ADGRA3: variants seen among roughly 807,000 people sequenced by gnomAD.
The protein encoded by ADGRA3 is adhesion G protein-coupled receptor A3.
A neutral mutation model predicts 119.8 loss-of-function variants in ADGRA3; 56 were observed. The observed-to-expected ratio is 0.47, with a 90% CI of 0.38 to 0.58. The LOEUF (loss-of-function observed/expected upper bound fraction) is 0.58. ADGRA3 is among the 20% of genes least tolerant of loss of function. The pLI is 0.00. For synonymous variants in ADGRA3, 607 were observed against 623.8 expected, an observed-to-expected ratio of 0.97 and a Z score of 0.40; for missense variants, 1,516 against 1,649.0, an observed-to-expected ratio of 0.92 and a Z score of 1.40.
chr4:22,407,651 G>A (rs1049518377), intron 14 of ADGRA3, among the ~76,000 whole-genome samples: 3 of 152,094 alleles, frequency 2.0e-5, no homozygotes, highest in Non-Finnish European at 2.9e-5. Flanking sequence ...GAAAAATAAA[G>A]TTCTCCACAG....
intron 1 of ADGRA3, among the ~76,000 whole-genome samples, chr4:22,488,038 C>T (rs1718494649): frequency 6.6e-6 from 1 of 152,070 alleles, no homozygotes; most frequent in African/African-American, 2.4e-5. Context: ...ACGTAAGTGA[C>T]AAGTGATCCC....
chr4:22,510,700 C>T (rs1182028485), intron 1 of ADGRA3, among the ~76,000 whole-genome samples: 1 of 152,182 alleles, frequency 6.6e-6, no homozygotes, highest in Non-Finnish European at 1.5e-5. Context: ...GCCTTCTCCC[C>T]ACTCAATCCA....
chr4:22,415,875 A>G (rs1434294921), intron 12 of ADGRA3, among the ~76,000 whole-genome samples: 1 of 152,198 alleles, frequency 6.6e-6, no homozygotes, highest in Non-Finnish European at 1.5e-5. Context: ...GAGTATGGAC[A>G]TATTACTGGG....
Position 22,455,045 on chromosome 4 carries a change from T to C in ADGRA3, c.402-108A>G, listed in dbSNP as rs1191783362. 4.1e-6 allele frequency: 3 copies of C among 735,696 alleles called. No homozygotes were observed. In the East Asian group the frequency reaches 7.8e-5, roughly 19 times the overall value. 45.6% of individuals were successfully genotyped at this position (735,696 alleles called of 1,614,324 possible). A position where few individuals can be genotyped will look rare whatever the true frequency, so the allele number is the denominator to read the frequency against. ...CCCAGGTATCGCACAAGACCTTTAT[T>C]CTAGCAACTTTGAGATATTTACTGT... On this transcript the variant is annotated intron_variant, in intron 3 of 18. Coordinates refer to ENST00000334304, the MANE Select transcript of ADGRA3 (RefSeq NM_145290.4).
intron 1 of ADGRA3, among the ~76,000 whole-genome samples, chr4:22,510,078 CA>C (rs1377651628): frequency 6.6e-6 from 1 of 151,792 alleles, no homozygotes; most frequent in African/African-American, 2.4e-5. Flanking sequence ...CTTAGAACTC[CA>C]AACCACATTC....
At chr4:22,405,642 T>C (rs1714887375) in intron 14 of ADGRA3, among the ~76,000 whole-genome samples, 1 of 152,030 alleles carries the variant, frequency 6.6e-6, no homozygotes, top group Admixed American at 6.6e-5. Flanking sequence ...AAACTAGATG[T>C]TGAAACAGAG....
chr4:22,389,037 C>A, intron 18 of ADGRA3, 51 bp downstream of exon 18: 1 of 1,598,596 alleles, frequency 6.3e-7, no homozygotes, highest in Non-Finnish European at 8.6e-7. Flanking sequence ...CTAGAAAATA[C>A]TTAAAAGAGA....
intron 14 of ADGRA3, among the ~76,000 whole-genome samples, chr4:22,406,144 T>C (rs1194822453): frequency 6.6e-6 from 1 of 152,140 alleles, no homozygotes; most frequent in East Asian, 1.9e-4. Context: ...ATGACAAGAT[T>C]TCATTCTTTT....
chr4:22,413,066 T>C (rs1715272615), intron 14 of ADGRA3, 116 bp downstream of exon 14: 4 of 769,650 alleles, frequency 5.2e-6, no homozygotes, highest in Middle Eastern at 7.6e-4. Context: ...GAGCAAATTA[T>C]GTTAAAAGTA....
At position 22,388,336 on chromosome 4, in the gene ADGRA3, C is replaced by T; in HGVS notation, c.3335G>A (p.Gly1112Asp). 6.2e-7 allele frequency: 1 copy of T among 1,614,054 alleles called. No homozygotes were observed. The highest frequency in any genetic ancestry group is 8.5e-7 in the Non-Finnish European group (1 of 1,180,002). ...CGCCTGCAAGTTTGTTAATTTGCAG[C>T]CCTGGGAGGAATTTTTGAAGCTTGA... The part of the protein sequence containing the change: ...SASSFKNSSQ[G>D]CKLTNLQAAA... The change falls in exon 19 of 19, where the codon GGC becomes GAC. Residue 1112 changes from glycine to aspartate, a missense_variant. Physicochemically the swap from Gly to Asp is moderately conservative, Grantham distance 94 (BLOSUM62 -1). Around this residue, in one of 2 missense-constraint regions of ADGRA3, gnomAD observed 1,088 missense variants for 1,107.1 expected, o/e 0.98. Coordinates refer to ENST00000334304, the MANE Select transcript of ADGRA3 (RefSeq NM_145290.4).
At chr4:22,476,563 C>T (rs59048448) in intron 1 of ADGRA3, among the ~76,000 whole-genome samples, 4,998 of 152,064 alleles carry the variant, frequency 0.033, 269 homozygotes, top group African/African-American at 0.11. Flanking sequence ...ATATTTCTGA[C>T]TCTGTATAGT....
chr4:22,510,729 G>A (rs1044323836), intron 1 of ADGRA3, among the ~76,000 whole-genome samples: 2 of 151,822 alleles, frequency 1.3e-5, no homozygotes, highest in Non-Finnish European at 2.9e-5. Context: ...CTTCCTTTAG[G>A]CCATGCTCAA....
At chr4:22,446,575 G>A (rs1032135241) in intron 5 of ADGRA3, among the ~76,000 whole-genome samples, 32 of 152,112 alleles carry the variant, frequency 2.1e-4, no homozygotes, top group Admixed American at 6.5e-5. Flanking sequence ...TGCTATGATG[G>A]TGAGGAGCTG....
At chr4:22,485,087 C>G (rs796704587) in intron 1 of ADGRA3, among the ~76,000 whole-genome samples, 2 of 152,194 alleles carry the variant, frequency 1.3e-5, no homozygotes, top group African/African-American at 4.8e-5. Context: ...CCCACACCAG[C>G]ACTTTTTTTT....
In ADGRA3 at chr4:22,388,961, T is replaced by C. The variant is rs59868322; in HGVS notation, c.2724-14A>G. On this transcript the variant is annotated splice_polypyrimidine_tract_variant and intron_variant, in intron 18 of 18. Transcript: ENST00000334304. ...GCCATCCAGCAACTGGAAAAGAAAATGGTAAACCAGATCGATGCTACATGT... is the reference window on the plus strand; with the variant it reads ...GCCATCCAGCAACTGGAAAAGAAAACGGTAAACCAGATCGATGCTACATGT... 4,897 of 1,611,276 alleles carry C rather than the reference T, an allele frequency of 3.0e-3. 105 individuals carry two copies. In the African/African-American group the frequency reaches 0.051, roughly 17 times the overall value.
At chr4:22,440,372 G>C (rs1038552620) in intron 7 of ADGRA3, among the ~76,000 whole-genome samples, 4 of 152,150 alleles carry the variant, frequency 2.6e-5, no homozygotes, top group African/African-American at 9.7e-5. Context: ...GAAAAATGCT[G>C]TTTCTTACTG....
intron 10 of ADGRA3, among the ~76,000 whole-genome samples, chr4:22,427,470 A>C (rs543908190): frequency 6.6e-4 from 101 of 152,294 alleles, no homozygotes; most frequent in Admixed American, 1.8e-3. Flanking sequence ...ATAAAAAAAA[A>C]AACAACAAAT....
At chr4:22,473,241 C>T (rs962714726) in intron 2 of ADGRA3, 2 of 152,170 alleles carry the variant, frequency 1.3e-5, no homozygotes, top group African/African-American at 4.8e-5. Context: ...CCTGCGGAAT[C>T]GTAAACCAAT....
chr4:22,392,168 G>C (rs1168519886), intron 17 of ADGRA3, among the ~76,000 whole-genome samples: 1 of 152,150 alleles, frequency 6.6e-6, no homozygotes, highest in African/African-American at 2.4e-5. Context: ...CCTTTGCATA[G>C]AATAATTAAA....
Sources: gnomAD v4.1 joint callset for allele counts (sites outside exome capture counted in the v4.1 genomes callset) on GRCh38, gnomAD v4.1.1 for gene constraint, gnomAD v4.1.1 regional missense constraint, MANE v1.5 for transcripts, NCBI Gene and HGNC (gene_info 2026-07-23, HGNC 2026-07-21) for gene names.